The following THSD7B variants were observed in gnomAD, a reference collection of about 807,000 sequenced individuals.
The protein encoded by THSD7B is thrombospondin type 1 domain containing 7B.
A neutral mutation model predicts 213.6 loss-of-function variants in THSD7B; 138 were observed. That is an observed-to-expected ratio of 0.65 (90% CI 0.56 to 0.74). The LOEUF (loss-of-function observed/expected upper bound fraction) is 0.74, where lower values mean the gene tolerates loss of function less well. Among genes scored for constraint, THSD7B ranks in the 30% least tolerant of loss-of-function variants. The pLI, the probability that THSD7B is intolerant of heterozygous loss-of-function variation, is 0.00. For synonymous variants in THSD7B, 742 were observed against 687.0 expected, an observed-to-expected ratio of 1.08 and a Z score of -1.25; for missense variants, 1,931 against 1,991.5, an observed-to-expected ratio of 0.97 and a Z score of 0.58.
At chr2:137,096,923 C>A (rs1239801495) in intron 4 of THSD7B, among the ~76,000 whole-genome samples, 2 of 152,186 alleles carry the variant, frequency 1.3e-5, no homozygotes, top group African/African-American at 2.4e-5. Context: ...AGAAGGATGA[C>A]CACTATTGTT....
intron 20 of THSD7B, among the ~76,000 whole-genome samples, chr2:137,621,386 T>A (rs1682516961): frequency 6.6e-6 from 1 of 152,194 alleles, no homozygotes; most frequent in Non-Finnish European, 1.5e-5. Context: ...TAATGTTACA[T>A]TATCACATAA....
At chr2:137,573,543 A>G (rs1398369511) in intron 17 of THSD7B, among the ~76,000 whole-genome samples, 1 of 152,088 alleles carries the variant, frequency 6.6e-6, no homozygotes, top group East Asian at 1.9e-4. Flanking sequence ...TAATATTGAC[A>G]TGAAGAGAAA....
chr2:137,459,647 AGAGT>A (rs1490863322), intron 15 of THSD7B, among the ~76,000 whole-genome samples: 1 of 152,114 alleles, frequency 6.6e-6, no homozygotes, highest in Admixed American at 6.6e-5. Flanking sequence ...CTTGGGTGAC[AGAGT>A]GAGACTCTGT....
intron 17 of THSD7B, among the ~76,000 whole-genome samples, chr2:137,615,660 A>G (rs928277830): frequency 6.6e-6 from 1 of 152,218 alleles, no homozygotes; most frequent in Non-Finnish European, 1.5e-5. Context: ...TTCCCAAATA[A>G]GAAGAAGGTT....
intron 3 of THSD7B, among the ~76,000 whole-genome samples, chr2:137,086,534 C>T (rs998244389): frequency 2.6e-5 from 4 of 152,152 alleles, no homozygotes; most frequent in Non-Finnish European, 5.9e-5. Flanking sequence ...ACTGGGTACT[C>T]CAGAATCATT....
chr2:136,962,786 C>T (rs1490603784), intron 2 of THSD7B, among the ~76,000 whole-genome samples: 1 of 152,130 alleles, frequency 6.6e-6, no homozygotes, highest in Non-Finnish European at 1.5e-5. Flanking sequence ...CTGTGAAATA[C>T]AACTTCATAA....
chr2:136,946,727 GGTTGATCT>G (rs1684945603), intron 2 of THSD7B, among the ~76,000 whole-genome samples: 1 of 152,218 alleles, frequency 6.6e-6, no homozygotes, highest in Non-Finnish European at 1.5e-5. Flanking sequence ...CTGCCTCGCA[GGTTGATCT>G]CAGTCTACTG....
intron 12 of THSD7B, among the ~76,000 whole-genome samples, chr2:137,302,534 A>G (rs569536633): frequency 6.6e-6 from 1 of 152,268 alleles, no homozygotes; most frequent in African/African-American, 2.4e-5. Flanking sequence ...TGAGTTCAAG[A>G]GAAAATTGGA....
At chr2:137,144,687 T>G (rs1052449403) in intron 5 of THSD7B, among the ~76,000 whole-genome samples, 5 of 152,026 alleles carry the variant, frequency 3.3e-5, no homozygotes, top group Admixed American at 6.6e-5. Context: ...ATAGATGATC[T>G]AGACCTAACT....
At chr2:137,176,678 G>T (rs1444814056) in intron 7 of THSD7B, among the ~76,000 whole-genome samples, 1 of 152,186 alleles carries the variant, frequency 6.6e-6, no homozygotes, top group South Asian at 2.1e-4. Context: ...CTTTGCCTAA[G>T]AATTGTCTCT....
chr2:137,312,651 T>C (rs1683948539), intron 12 of THSD7B, among the ~76,000 whole-genome samples: 1 of 149,530 alleles, frequency 6.7e-6, no homozygotes, highest in African/African-American at 2.5e-5. Context: ...TTTAGTGCTA[T>C]AAATTTCCCT....
chr2:137,169,413 TC>T (rs1680198829), intron 6 of THSD7B, among the ~76,000 whole-genome samples: 3 of 151,818 alleles, frequency 2.0e-5, no homozygotes, highest in African/African-American at 7.3e-5. Flanking sequence ...TTGGTCTTTC[TC>T]CAACTATACC....
intron 1 of THSD7B, among the ~76,000 whole-genome samples, chr2:136,799,828 A>G (rs902948654): frequency 2.6e-5 from 4 of 151,970 alleles, no homozygotes; most frequent in Non-Finnish European, 4.4e-5. Flanking sequence ...CTTATTTAAT[A>G]TATCTTATAC....
chr2:136,989,892 A>G (rs1303393296), intron 2 of THSD7B, among the ~76,000 whole-genome samples: 1 of 152,230 alleles, frequency 6.6e-6, no homozygotes, highest in Non-Finnish European at 1.5e-5. Flanking sequence ...TGATAATGAT[A>G]GTGGCTAGTA....
intron 12 of THSD7B, among the ~76,000 whole-genome samples, chr2:137,322,399 A>G (rs1684281175): frequency 6.6e-6 from 1 of 152,348 alleles, no homozygotes; most frequent in Middle Eastern, 3.4e-3. Context: ...ACATATAGCA[A>G]TGATAACAGC....
At position 137,313,122 on chromosome 2, in the gene THSD7B, T is replaced by A. The variant is rs1683963263; in HGVS notation, c.2500+37096T>A. ...GACAGTGGGGTGTTAAAGTCTCCCA[T>A]TATTAATATGTGGGAGACTAAGTCT... On this transcript the variant is annotated intron_variant, in intron 12 of 27. Transcript: ENST00000409968. Among the ~76,000 whole-genome samples the A allele has an allele frequency of 3.3e-5, 5 of 152,094 alleles. 1 individual carries two copies.
At chr2:137,133,077 G>A (rs758796057) in intron 5 of THSD7B, among the ~76,000 whole-genome samples, 7 of 152,086 alleles carry the variant, frequency 4.6e-5, no homozygotes, top group Non-Finnish European at 1.5e-5. Flanking sequence ...TTTCCTTTCT[G>A]TGTGGTTACT....
intron 2 of THSD7B, among the ~76,000 whole-genome samples, chr2:136,986,332 G>A (rs907974305): frequency 2.0e-5 from 3 of 152,160 alleles, no homozygotes; most frequent in African/African-American, 7.2e-5. Context: ...AATGGTGAGT[G>A]AGTTCTTGCT....
At chr2:136,803,456 G>A (rs1314861989) in intron 1 of THSD7B, among the ~76,000 whole-genome samples, 4 of 152,106 alleles carry the variant, frequency 2.6e-5, no homozygotes, top group African/African-American at 9.7e-5. Context: ...ATTTTTACGT[G>A]GAACTATGTG....
Sources: gnomAD v4.1 joint callset for allele counts (sites outside exome capture counted in the v4.1 genomes callset) on GRCh38, gnomAD v4.1.1 for gene constraint, MANE v1.5 for transcripts, NCBI Gene and HGNC (gene_info 2026-07-23, HGNC 2026-07-21) for gene names.